Variants in RUBCN observed in about 807,000 individuals in gnomAD.
The protein encoded by RUBCN is run domain Beclin-1-interacting and cysteine-rich domain-containing protein.
In RUBCN, 74 loss-of-function variants were observed where a neutral mutation model predicts 113.2. That is an observed-to-expected ratio of 0.65 (90% CI 0.54 to 0.79). RUBCN has a LOEUF of 0.79. RUBCN is among the 30% of genes least tolerant of loss of function. The pLI, the probability that RUBCN is intolerant of heterozygous loss-of-function variation, is 0.00. For missense variants in RUBCN, 1,109 were observed against 1,251.7 expected (o/e 0.89, Z 1.72); for synonymous variants, 480 against 490.0 (o/e 0.98, Z 0.27).
intron 1 of RUBCN, among the ~76,000 whole-genome samples, chr3:197,732,258 G>A (rs948261965): frequency 6.6e-6 from 1 of 152,144 alleles, no homozygotes; most frequent in African/African-American, 2.4e-5. Context: ...TGGCCAAGGC[G>A]GTCTAGGGAG....
intron 14 of RUBCN, among the ~76,000 whole-genome samples, 157 bp downstream of exon 14, chr3:197,682,313 G>A (rs752396498): frequency 1.1e-4 from 16 of 152,140 alleles, no homozygotes; most frequent in Admixed American, 9.8e-4. Flanking sequence ...AGTAAGAAAC[G>A]AAGGACCAAA....
intron 11 of RUBCN, among the ~76,000 whole-genome samples, chr3:197,690,035 T>C (rs998409825): frequency 2.6e-5 from 4 of 152,234 alleles, no homozygotes; most frequent in Non-Finnish European, 4.4e-5. Flanking sequence ...CTCCCACATA[T>C]GAGTGAGAAC....
upstream of RUBCN, among the ~76,000 whole-genome samples, chr3:197,740,036 T>G (rs564670482): frequency 2.6e-5 from 4 of 152,162 alleles, no homozygotes; most frequent in East Asian, 5.8e-4. Flanking sequence ...TGAGACTGTC[T>G]TGGGGAGAAA....
Position 197,701,749 on chromosome 3 carries a change from G to T in RUBCN, c.686C>A (p.Ser229Tyr). 1 of 1,614,128 alleles carries T rather than the reference G, an allele frequency of 6.2e-7. No individual in the cohort carries two copies. ...CACGGATTGGTGGAGGCTAGAGAAG[G>T]ACCCAAAGTAGGAATGCTGAGCATA... Reference protein sequence around the residue: ...NSYAQHSYFGSFSSLHQSVPN... With the variant: ...NSYAQHSYFGYFSSLHQSVPN... Residue 229 changes from serine to tyrosine, a missense_variant, in exon 6 of 20, where the codon TCC becomes TAC. Transcript: ENST00000296343.
At chr3:197,704,811 A>C in intron 3 of RUBCN, 110 bp from the exon 4 acceptor site, 1 of 1,226,348 alleles carries the variant, frequency 8.2e-7, no homozygotes, top group Non-Finnish European at 1.2e-6. Context: ...ATGCTTTGAA[A>C]GGCTTCACCC....
intron 8 of RUBCN, 130 bp downstream of exon 8, chr3:197,696,824 G>A: frequency 1.5e-6 from 1 of 662,750 alleles, no homozygotes; most frequent in Non-Finnish European, 2.8e-6. Flanking sequence ...AATGACAAAA[G>A]AGTGACTGAG....
At chr3:197,721,735 C>T (rs977345352) in intron 1 of RUBCN, among the ~76,000 whole-genome samples, 67 of 152,206 alleles carry the variant, frequency 4.4e-4, no homozygotes, top group African/African-American at 1.5e-3. Flanking sequence ...CTATTTTCTT[C>T]CCTCTTAGTA....
At chr3:197,736,634 C>T (rs1453963995) in intron 1 of RUBCN, 21 bp downstream of exon 1, 2 of 1,532,296 alleles carry the variant, frequency 1.3e-6, no homozygotes, top group East Asian at 2.4e-5. Context: ...TGCCCCGACT[C>T]CGCGGCGGCT....
rs546242759 is a variant in RUBCN, at chr3:197,677,622, A to AGGGAAG, written c.2431-82_2431-81insCTTCCC. ...AGTGTGGGAAGCCCAGGGCCTTTAA[A>AGGGAAG]CCCTGGGGTTCTAGAAGCCTTGCAT... On this transcript the variant is annotated intron_variant, in intron 16 of 19. Transcript: ENST00000296343. 7,616 of 1,297,506 alleles carry AGGGAAG rather than the reference A, an allele frequency of 5.9e-3. 51 individuals are homozygous for AGGGAAG. Among genetic ancestry groups the AGGGAAG allele is most frequent in the South Asian group, 0.019 (1,600 of 84,424 alleles). The allele number at this position is 1,297,506 out of a possible 1,614,324, so 80.4% of individuals were successfully genotyped here.
At chr3:197,740,519 G>A (rs993214362), upstream of RUBCN, among the ~76,000 whole-genome samples, 8 of 152,168 alleles carry the variant, frequency 5.3e-5, no homozygotes, top group African/African-American at 1.9e-4. Context: ...GGCAAAATTT[G>A]AACATGAACC....
chr3:197,675,557 A>C lies in RUBCN; in HGVS notation c.2647-42T>G. ...CAGATGGCAAAATGAGGAGCGGCAC[A>C]TCAGGAACTGGCACGGGAGGGTGAA... is the stretch of plus-strand genomic sequence containing the variant. On this transcript the variant is annotated intron_variant, in intron 18 of 19. Coordinates refer to ENST00000296343, the MANE Select transcript of RUBCN (RefSeq NM_014687.4). The surrounding 1 kb of genome is among the most constrained non-coding windows in gnomAD (Gnocchi z 4.4). 1 of 1,471,628 alleles carries C rather than the reference A, an allele frequency of 6.8e-7. No homozygotes were observed. Among genetic ancestry groups the C allele is most frequent in the East Asian group, 2.3e-5 (1 of 44,206 alleles). The allele number at this position is 1,471,628 out of a possible 1,614,324, so 91.2% of individuals were successfully genotyped here.
At position 197,718,021 on chromosome 3, in the gene RUBCN, T is replaced by TG; in HGVS notation, c.174dup (p.Arg59GlnfsTer14). Reference sequence around the variant, plus strand: ...TGATAGAGGATGCTCTGCATGTCCCTGCAAAGCCGCTCCAAGCCACCATAC... The same window carrying TG: ...TGATAGAGGATGCTCTGCATGTCCCTGGCAAAGCCGCTCCAAGCCACCATAC... On this transcript the variant is annotated frameshift_variant, in exon 2 of 20. Transcript: ENST00000296343. LOFTEE classifies it high-confidence loss of function. 1 of 1,614,148 alleles carries TG rather than the reference T, an allele frequency of 6.2e-7. No individual in the cohort carries two copies. The highest frequency in any genetic ancestry group is 8.5e-7 in the Non-Finnish European group (1 of 1,180,036).
chr3:197,702,078 G>A lies in RUBCN; in HGVS notation c.571-214C>T, dbSNP rs1400042272. Among the ~76,000 whole-genome samples, 5 of 152,218 alleles carry A rather than the reference G, an allele frequency of 3.3e-5. No homozygotes were observed. The East Asian group carries it at 9.6e-4, about 29-fold the overall frequency. On this transcript the variant is annotated intron_variant, in intron 5 of 19. Coordinates refer to ENST00000296343, the MANE Select transcript of RUBCN (RefSeq NM_014687.4). Reference sequence around the variant, plus strand: ...AGCATCTGCACTGGAATCCTTCCAGGTGTTAAACCAGGAGTACTTTATTAC... The same window carrying A: ...AGCATCTGCACTGGAATCCTTCCAGATGTTAAACCAGGAGTACTTTATTAC...
intron 9 of RUBCN, 109 bp downstream of exon 9, chr3:197,695,757 A>C: frequency 3.0e-6 from 3 of 987,430 alleles, no homozygotes; most frequent in Non-Finnish European, 3.2e-6. Context: ...CCGTGAACTT[A>C]TCTTTACTGT....
chr3:197,699,104 G>C (rs1444810284), intron 7 of RUBCN: 5 of 964,146 alleles, frequency 5.2e-6, no homozygotes, highest in Non-Finnish European at 8.2e-6. Context: ...GACTTGATTT[G>C]ACACCAGACT....
chr3:197,671,916 C>T lies in RUBCN; in HGVS notation c.*3102G>A, dbSNP rs1297242721. ...TTTGCTTTACATTATAACACAGAAA[C>T]CTTCTCAATGTTCAGATATACCTGC... is the stretch of plus-strand genomic sequence containing the variant. On this transcript the variant is annotated 3_prime_UTR_variant, in exon 20 of 20. Transcript: ENST00000296343. 6.6e-6 allele frequency: 1 copy of T among 152,222 alleles called. No individual in the cohort carries two copies. The highest frequency in any genetic ancestry group is 1.5e-5 in the Non-Finnish European group (1 of 68,042). The allele number at this position is 152,222 out of a possible 1,614,324, so 9.4% of individuals were successfully genotyped here.
chr3:197,710,031 G>A (rs962072743), intron 2 of RUBCN, among the ~76,000 whole-genome samples: 19 of 151,932 alleles, frequency 1.3e-4, no homozygotes, highest in Non-Finnish European at 2.4e-4. Flanking sequence ...TTAGCCAGGC[G>A]TGGTGGCATG....
chr3:197,713,595 G>C (rs1240471298), intron 2 of RUBCN, among the ~76,000 whole-genome samples: 1 of 152,172 alleles, frequency 6.6e-6, no homozygotes, highest in Non-Finnish European at 1.5e-5. Context: ...CTGAAAGACA[G>C]CCAGACAGTA....
intron 11 of RUBCN, among the ~76,000 whole-genome samples, chr3:197,688,266 A>T (rs1456469438): frequency 6.6e-6 from 1 of 152,090 alleles, no homozygotes; most frequent in Non-Finnish European, 1.5e-5. Context: ...ACCTCAGGTG[A>T]TCTGCCCGCC....
Sources: allele counts gnomAD v4.1 joint callset (sites outside exome capture counted in the v4.1 genomes callset), GRCh38; gene constraint gnomAD v4.1.1; non-coding constraint Gnocchi (gnomAD v3.1); transcripts MANE v1.5; gene names NCBI Gene and HGNC (gene_info 2026-07-23, HGNC 2026-07-21).